The following PRTG variants were observed in gnomAD, a reference collection of about 807,000 sequenced individuals.
PRTG encodes protogenin, also known as immunoglobulin superfamily, DCC subclass, member 5.
A neutral mutation model predicts 122.5 loss-of-function variants in PRTG; 67 were observed. That is an observed-to-expected ratio of 0.55 (90% confidence interval 0.45 to 0.67). The LOEUF is 0.67. Among genes scored for constraint, PRTG ranks in the 30% least tolerant of loss-of-function variants. The probability of loss-of-function intolerance (pLI) is 0.00; values close to 1 mark genes in which losing one functional copy is unlikely to be tolerated. For missense variants in PRTG, 1,435 were observed against 1,415.4 expected, an observed-to-expected ratio of 1.01 and a Z score of -0.22; for synonymous variants, 554 against 501.1, an observed-to-expected ratio of 1.11 and a Z score of -1.41.
At chr15:55,697,699 A>C (rs1203150957) in intron 2 of PRTG, among the ~76,000 whole-genome samples, 2 of 152,152 alleles carry the variant, frequency 1.3e-5, no homozygotes, top group Non-Finnish European at 2.9e-5. Flanking sequence ...CATGTTGGCC[A>C]AGCTGGTCTC....
At chr15:55,695,946 T>G (rs1309029766) in intron 2 of PRTG, among the ~76,000 whole-genome samples, 1 of 149,940 alleles carries the variant, frequency 6.7e-6, no homozygotes, top group Non-Finnish European at 1.5e-5. Flanking sequence ...ACTCCAACCT[T>G]GGTGACAGTG....
At chr15:55,717,173 T>A (rs2030631300) in intron 2 of PRTG, among the ~76,000 whole-genome samples, 1 of 152,178 alleles carries the variant, frequency 6.6e-6, no homozygotes. Flanking sequence ...TTAACACAGG[T>A]GAAATATTCT....
chr15:55,637,417 T>C lies in PRTG; in HGVS notation c.2453-77A>G. On this transcript the variant is annotated intron_variant, in intron 14 of 19. Transcript: ENST00000389286. ...TACTCAAATACCTGGCTTATAGGCT[T>C]AGAAAAAAGTTCAAAAAATTAGAAA... 7 of 1,279,880 alleles carry C rather than the reference T, an allele frequency of 5.5e-6. No homozygotes were observed. In the Admixed American group the frequency reaches 1.9e-4, roughly 35 times the overall value. 79.3% of individuals were successfully genotyped at this position (1,279,880 alleles called of 1,614,324 possible).
chr15:55,638,569 T>G lies in PRTG; in HGVS notation c.2432A>C (p.Tyr811Ser). 2 of 1,611,718 alleles carry G rather than the reference T, an allele frequency of 1.2e-6. No homozygotes were observed. The highest frequency in any genetic ancestry group is 1.7e-5 in the Admixed American group (1 of 59,652). The change falls in exon 14 of 20, where the codon TAC becomes TCC. Residue 811 changes from tyrosine to serine, a missense_variant. By Grantham distance (144) the Tyr-to-Ser change is moderately radical. Coordinates refer to ENST00000389286, the MANE Select transcript of PRTG (RefSeq NM_173814.6). ...TTTACCTTCTGGAAGAGTAGAATGG[T>G]AGACTACAGGGCTCCAAGGACTGGA... ...QLSSPWSPVV[Y>S]HSTLPEAPAG... is the part of the protein sequence containing the mutation.
In PRTG at chr15:55,620,061, T is replaced by C. The variant is rs762595817; in HGVS notation, c.3404A>G (p.Asp1135Gly). Residue 1135 changes from aspartate to glycine, a missense_variant, in exon 20 of 20, where the codon GAT becomes GGT. Asp to Gly is a moderately conservative substitution (Grantham distance 94, BLOSUM62 -1). Transcript: ENST00000389286. ...TATAACTGAGGACAGATGTATCTCATCGTTGGACTCATGAGAAAACCGCCC... is the reference window on the plus strand; with the variant it reads ...TATAACTGAGGACAGATGTATCTCACCGTTGGACTCATGAGAAAACCGCCC... ...DSGRFSHESNDEIHLSSVIST... is the reference protein window; with the variant it reads ...DSGRFSHESNGEIHLSSVIST... 1.9e-6 allele frequency: 3 copies of C among 1,614,028 alleles called. No individual in the cohort carries two copies. The highest frequency in any genetic ancestry group is 1.7e-6 in the Non-Finnish European group (2 of 1,180,042).
chr15:55,736,659 C>A (rs77511927), intron 2 of PRTG, among the ~76,000 whole-genome samples: 18,688 of 152,048 alleles, frequency 0.12, 1,429 homozygotes, highest in East Asian at 0.35. Flanking sequence ...CAAAGGCAAA[C>A]TCAACCTCAA....
chr15:55,649,596 C>A (rs1202971368), intron 11 of PRTG, among the ~76,000 whole-genome samples: 3 of 152,038 alleles, frequency 2.0e-5, no homozygotes, highest in African/African-American at 7.2e-5. Context: ...ACCAGCCTAG[C>A]TAACATGGTG....
At chr15:55,715,458 G>A (rs1437784468) in intron 2 of PRTG, among the ~76,000 whole-genome samples, 1 of 152,298 alleles carries the variant, frequency 6.6e-6, no homozygotes, top group African/African-American at 2.4e-5. Context: ...CTAAAAGCAG[G>A]AGCGTGAAGC....
At chr15:55,654,261 G>A (rs2059368575) in intron 11 of PRTG, among the ~76,000 whole-genome samples, 1 of 152,058 alleles carries the variant, frequency 6.6e-6, no homozygotes, top group Admixed American at 6.6e-5. Flanking sequence ...CTTTGGTTAG[G>A]GAAGAGAAAA....
rs2030819560 is a variant in PRTG, at chr15:55,721,451, CCAT to C, written c.397+18928_397+18930del. Among the ~76,000 whole-genome samples the C allele has an allele frequency of 2.0e-5, 3 of 152,208 alleles. No individual in the cohort carries two copies. The South Asian group carries it at 6.2e-4, about 32-fold the overall frequency. On this transcript the variant is annotated intron_variant, in intron 2 of 19. Coordinates refer to ENST00000389286, the MANE Select transcript of PRTG (RefSeq NM_173814.6). ...GTGGATCCTGTCTACATCTCCAATT[CCAT>C]GTTGGGGTGCCATTTCTTTGAAATT...
intron 11 of PRTG, among the ~76,000 whole-genome samples, chr15:55,643,606 T>C (rs1002516023): frequency 6.6e-6 from 1 of 151,296 alleles, no homozygotes; most frequent in Non-Finnish European, 1.5e-5. Context: ...GCATTTTTTG[T>C]AGAGACAAGG....
rs2031581809 is a variant in PRTG at position 55,740,686 on chromosome 15, TA to T, written c.95-3del. ...ACAGTTCGCTAAAGCACCACACTCC[TA>T]TAAGGAAAAAAAAGGAGAACGGCAC... is the stretch of plus-strand genomic sequence containing the variant. On this transcript the variant is annotated splice_region_variant and splice_polypyrimidine_tract_variant and intron_variant, in intron 1 of 19. Transcript: ENST00000389286. 2 of 1,592,212 alleles carry T rather than the reference TA, an allele frequency of 1.3e-6. No homozygotes were observed. The highest frequency in any genetic ancestry group is 2.3e-5 in the South Asian group (2 of 87,080).
At chr15:55,739,877 A>C (rs1438266744) in intron 2 of PRTG, among the ~76,000 whole-genome samples, 1 of 152,252 alleles carries the variant, frequency 6.6e-6, no homozygotes, top group African/African-American at 2.4e-5. Context: ...CAAAGGCTTA[A>C]GAGTGACTGA....
At position 55,639,653 on chromosome 15, in the gene PRTG, C is replaced by T. The variant is rs1173519314; in HGVS notation, c.2313G>A (p.Leu771=). Residue 771 remains leucine (L), a synonymous_variant, in exon 13 of 20, where the codon CTG becomes CTA. Transcript: ENST00000389286. ...PVGLQNASLV[L]YLQTSETHML... ...CAGGAGCTACATACGTTTGAAGGTA[C>T]AGAACCAAAGAAGCATTCTGCAGGC... The T allele has an allele frequency of 1.2e-6, 2 of 1,613,814 alleles. No individual in the cohort carries two copies. The highest frequency in any genetic ancestry group is 1.7e-6 in the Non-Finnish European group (2 of 1,179,876).
At chr15:55,643,496 C>T (rs1473231965) in intron 11 of PRTG, among the ~76,000 whole-genome samples, 2 of 152,018 alleles carry the variant, frequency 1.3e-5, no homozygotes, top group Non-Finnish European at 2.9e-5. Flanking sequence ...TGCAGTGATG[C>T]AGTTATAGCT....
chr15:55,665,239 G>A (rs1273785589), intron 11 of PRTG, among the ~76,000 whole-genome samples: 1 of 151,918 alleles, frequency 6.6e-6, no homozygotes, highest in Non-Finnish European at 1.5e-5. Context: ...CAGCCTGGGT[G>A]ACAGAGCGAG....
intron 11 of PRTG, among the ~76,000 whole-genome samples, chr15:55,648,539 G>T (rs1173968268): frequency 6.6e-6 from 1 of 152,126 alleles, no homozygotes; most frequent in Non-Finnish European, 1.5e-5. Context: ...TTGCATTTCT[G>T]TTCTCCATCA....
At chr15:55,622,446 C>G (rs1220560230) in intron 18 of PRTG, among the ~76,000 whole-genome samples, 5 of 147,670 alleles carry the variant, frequency 3.4e-5, no homozygotes, top group Admixed American at 2.7e-4. Context: ...TGTAGTGGTG[C>G]AATCTCAGCT....
intron 2 of PRTG, among the ~76,000 whole-genome samples, chr15:55,727,927 C>CGA: frequency 6.6e-6 from 1 of 152,220 alleles, no homozygotes; most frequent in African/African-American, 2.4e-5. Flanking sequence ...TGAAGTGGCA[C>CGA]GATCTTGGCT....
Sources: gnomAD v4.1 joint callset for allele counts (sites outside exome capture counted in the v4.1 genomes callset) on GRCh38, gnomAD v4.1.1 for gene constraint, MANE v1.5 for transcripts, NCBI Gene and HGNC (gene_info 2026-07-23, HGNC 2026-07-21) for gene names.